Variants in CCDC7 observed in about 807,000 individuals in gnomAD.
CCDC7 encodes the protein coiled-coil domain-containing protein 7.
CCDC7 carries 183 observed loss-of-function variants against 196.9 expected under a neutral mutation model. That is an observed-to-expected ratio of 0.93 (90% CI 0.82 to 1.05). The LOEUF is 1.05. Among genes scored for constraint, CCDC7 ranks in the 50% least tolerant of loss-of-function variants. CCDC7 has a pLI of 0.00. For missense variants in CCDC7, 1,540 were observed against 1,482.2 expected, an observed-to-expected ratio of 1.04 and a Z score of -0.64; for synonymous variants, 525 against 484.6, an observed-to-expected ratio of 1.08 and a Z score of -1.10.
At chr10:32,727,295 C>T (rs1270249358) in intron 26 of CCDC7, among the ~76,000 whole-genome samples, 3 of 152,114 alleles carry the variant, frequency 2.0e-5, no homozygotes, top group Non-Finnish European at 4.4e-5. Flanking sequence ...TTGGTTAGCC[C>T]TAGGGCATTT....
chr10:32,816,852 AG>A (rs2088726253), intron 31 of CCDC7, among the ~76,000 whole-genome samples: 1 of 152,208 alleles, frequency 6.6e-6, no homozygotes. Context: ...CCATCATCAA[AG>A]ACCAAAGGTA....
chr10:32,451,029 C>A (rs577653015), upstream of CCDC7, among the ~76,000 whole-genome samples: 107 of 152,182 alleles, frequency 7.0e-4, 2 homozygotes, highest in Admixed American at 6.7e-3. Context: ...ATCTTCATAG[C>A]AATTGATAAT....
chr10:32,666,275 G>A (rs1233749615), intron 21 of CCDC7, among the ~76,000 whole-genome samples: 1 of 151,676 alleles, frequency 6.6e-6, no homozygotes, highest in African/African-American at 2.4e-5. Context: ...AATATAAATA[G>A]CTATCATTTA....
intron 13 of CCDC7, among the ~76,000 whole-genome samples, chr10:32,557,297 T>G (rs1448499098): frequency 6.6e-6 from 1 of 151,996 alleles, no homozygotes; most frequent in African/African-American, 2.4e-5. Flanking sequence ...TTTATTTGGT[T>G]TTCAGCAGTT....
intron 24 of CCDC7, among the ~76,000 whole-genome samples, chr10:32,710,978 G>A (rs2080724380): frequency 6.6e-6 from 1 of 152,146 alleles, no homozygotes; most frequent in South Asian, 2.1e-4. Context: ...GGCAAAGGTA[G>A]GATGTATCAG....
At chr10:32,790,926 T>C (rs550484427) in intron 29 of CCDC7, among the ~76,000 whole-genome samples, 7 of 152,314 alleles carry the variant, frequency 4.6e-5, no homozygotes, top group Admixed American at 1.3e-4. Context: ...CCCTGGAACA[T>C]AGTGCTGCTG....
chr10:32,463,194 G>C (rs1022116580), intron 5 of CCDC7, 145 bp downstream of exon 6: 1 of 989,392 alleles, frequency 1.0e-6, no homozygotes, highest in Non-Finnish European at 1.5e-6. Context: ...GGTAGACAAG[G>C]AATAAGTGGA....
chr10:32,499,629 C>G (rs1457485276), intron 9 of CCDC7, among the ~76,000 whole-genome samples: 1 of 147,378 alleles, frequency 6.8e-6, no homozygotes, highest in Non-Finnish European at 1.5e-5. Context: ...GTTTATTGAT[C>G]ATTCTTGGGT....
chr10:32,681,101 G>A (rs1206541853), intron 21 of CCDC7, among the ~76,000 whole-genome samples: 2 of 152,160 alleles, frequency 1.3e-5, no homozygotes, highest in African/African-American at 2.4e-5. Flanking sequence ...CTTCAAGAAA[G>A]CCTTTGCTCA....
At chr10:32,860,748 C>T (rs557021154) in intron 41 of CCDC7, among the ~76,000 whole-genome samples, 1 of 152,218 alleles carries the variant, frequency 6.6e-6, no homozygotes, top group East Asian at 1.9e-4. Flanking sequence ...GCAAAAATCA[C>T]AAGCATTCCT....
chr10:32,733,453 C>A (rs539341636), intron 28 of CCDC7, among the ~76,000 whole-genome samples: 31 of 151,952 alleles, frequency 2.0e-4, no homozygotes, highest in South Asian at 1.9e-3. Flanking sequence ...TTTCAAAAAG[C>A]AAATCTCCAG....
chr10:32,831,688 AC>A (rs1310174144), intron 32 of CCDC7, among the ~76,000 whole-genome samples: 1 of 152,178 alleles, frequency 6.6e-6, no homozygotes, highest in Non-Finnish European at 1.5e-5. Context: ...CAGTATCATC[AC>A]TGTCTTCCAC....
chr10:32,873,698 C>CA (rs1307440989), intron 41 of CCDC7, among the ~76,000 whole-genome samples: 1 of 151,902 alleles, frequency 6.6e-6, no homozygotes, highest in Non-Finnish European at 1.5e-5. Flanking sequence ...ATTCATGTGA[C>CA]ATTCTTTTTG....
chr10:32,498,617 T>G (rs1461149181), intron 9 of CCDC7, among the ~76,000 whole-genome samples: 1 of 152,130 alleles, frequency 6.6e-6, no homozygotes, highest in Non-Finnish European at 1.5e-5. Flanking sequence ...GTCTGTAAAG[T>G]ATTTTATTTC....
intron 24 of CCDC7, among the ~76,000 whole-genome samples, chr10:32,711,408 T>C (rs59282192): frequency 0.053 from 8,065 of 152,188 alleles, 712 homozygotes; most frequent in African/African-American, 0.18. Flanking sequence ...ACACATTTAA[T>C]ATCTAGGAAT....
Position 32,559,339 on chromosome 10 carries a change from C to G in CCDC7, c.1135-6219C>G, listed in dbSNP as rs540068752. On this transcript the variant is annotated intron_variant, in intron 13 of 41. Transcript: ENST00000639629. ...GAGCAGTGGTTCTCCCAGCACGCAG[C>G]TGGAGATCTGAGAACGGACAGACTG... Among the ~76,000 whole-genome samples, 221 of 152,364 alleles carry G rather than the reference C, an allele frequency of 1.5e-3. 1 individual carries two copies. Among genetic ancestry groups the G allele is most frequent in the African/African-American group, 5.0e-3 (210 of 41,588 alleles).
intron 41 of CCDC7, among the ~76,000 whole-genome samples, chr10:32,872,482 C>G (rs1280025489): frequency 2.0e-5 from 3 of 151,922 alleles, no homozygotes; most frequent in Non-Finnish European, 4.4e-5. Flanking sequence ...TGGGTCTTGA[C>G]TCTTTATCCA....
At chr10:32,676,821 A>C (rs1453367343) in intron 21 of CCDC7, among the ~76,000 whole-genome samples, 1 of 152,222 alleles carries the variant, frequency 6.6e-6, no homozygotes, top group African/African-American at 2.4e-5. Flanking sequence ...GCGATTCCTC[A>C]GGGATCTAGA....
intron 11 of CCDC7, among the ~76,000 whole-genome samples, chr10:32,539,664 C>T (rs2051087534): frequency 6.6e-6 from 1 of 151,916 alleles, no homozygotes; most frequent in African/African-American, 2.4e-5. Context: ...TATAAACTTC[C>T]CTCTTAACAC....
Sources: allele counts gnomAD v4.1 joint callset (sites outside exome capture counted in the v4.1 genomes callset), GRCh38; gene constraint gnomAD v4.1.1; transcripts MANE v1.5; gene names NCBI Gene and HGNC (gene_info 2026-07-23, HGNC 2026-07-21).